ACLY: variants seen among roughly 807,000 people sequenced by gnomAD.
ACLY encodes the protein ATP-citrate synthase.
Under a neutral mutation model 133.0 loss-of-function variants are expected in ACLY, and 41 were observed. The observed-to-expected ratio is 0.31, with a 90% CI of 0.24 to 0.40. The LOEUF is 0.40. ACLY is among the 10% of genes least tolerant of loss of function. The probability of loss-of-function intolerance (pLI) is 1.00; values close to 1 mark genes in which losing one functional copy is unlikely to be tolerated. For missense variants in ACLY, 1,046 were observed against 1,453.8 expected, an observed-to-expected ratio of 0.72 and a Z score of 4.56; for synonymous variants, 495 against 549.3, an observed-to-expected ratio of 0.90 and a Z score of 1.38.
chr17:41,903,065 A>G (rs1018263348), intron 10 of ACLY, among the ~76,000 whole-genome samples: 1 of 152,192 alleles, frequency 6.6e-6, no homozygotes, highest in Non-Finnish European at 1.5e-5. Context: ...CTAGAATTAT[A>G]GTTATAAGCC....
chr17:41,869,791 CA>C (rs2048553952), intron 25 of ACLY, among the ~76,000 whole-genome samples: 1 of 152,138 alleles, frequency 6.6e-6, no homozygotes, highest in African/African-American at 2.4e-5. Context: ...AATTGGGACA[CA>C]AAACAACCTT....
chr17:41,878,048 CAT>C, intron 22 of ACLY, 53 bp downstream of exon 22: 2 of 1,310,126 alleles, frequency 1.5e-6, no homozygotes, highest in Non-Finnish European at 2.0e-6. Flanking sequence ...AACCCACCAC[CAT>C]AGACCCACAG....
At position 41,872,183 on chromosome 17, in the gene ACLY, C is replaced by A. The variant is rs782291878; in HGVS notation, c.2643-1G>T. 6.2e-7 allele frequency: 1 copy of A among 1,612,958 alleles called. No individual in the cohort carries two copies. Among genetic ancestry groups the A allele is most frequent in the South Asian group, 1.1e-5 (1 of 91,066 alleles). On this transcript the variant is annotated splice_acceptor_variant, in intron 23 of 28. Coordinates refer to ENST00000352035, the MANE Select transcript of ACLY (RefSeq NM_001096.3). LOFTEE classifies it high-confidence loss of function. The stretch of plus-strand genomic sequence containing the variant: ...GAACTGGCAAGAGTACTTAGGCAAC[C>A]TGGAGTGGGGGGAACAAAGGCCAGG...
chr17:41,898,669 T>C lies in ACLY; in HGVS notation c.1300A>G (p.Thr434Ala), dbSNP rs1555630891. ...IPNQPPTAAHTANFLLNASGS... is the reference protein window; with the variant it reads ...IPNQPPTAAHAANFLLNASGS... Reference sequence around the variant, plus strand: ...CTGGCGTTGAGGAGGAAGTTTGCAGTGTGGGCCGCTGTGGGTGGCTGGTTG... The same window carrying C: ...CTGGCGTTGAGGAGGAAGTTTGCAGCGTGGGCCGCTGTGGGTGGCTGGTTG... Residue 434 changes from threonine (T) to alanine (A), a missense_variant, in exon 12 of 29, where the codon ACT (threonine) becomes GCT (alanine). Coordinates refer to ENST00000352035, the MANE Select transcript of ACLY (RefSeq NM_001096.3). The C allele has an allele frequency of 6.2e-7, 1 of 1,613,836 alleles. No homozygotes were observed. The highest frequency in any genetic ancestry group is 8.5e-7 in the Non-Finnish European group (1 of 1,179,926).
intron 1 of ACLY, among the ~76,000 whole-genome samples, chr17:41,916,381 T>TTG (rs1464713078): frequency 4.6e-4 from 62 of 134,606 alleles, no homozygotes; most frequent in African/African-American, 1.6e-3. Context: ...TTGTTTTGTT[T>TTG]TTTTTTTTTT....
rs1286199288 is a variant in ACLY, at chr17:41,896,712, G to A, written c.1430-63C>T. The A allele has an allele frequency of 1.3e-5, 19 of 1,468,436 alleles. No homozygotes were observed. In the African/African-American group the frequency reaches 2.7e-4, roughly 21 times the overall value. The allele number at this position is 1,468,436 out of a possible 1,614,324, so 91.0% of individuals were successfully genotyped here. A position where few individuals can be genotyped will look rare whatever the true frequency, so the allele number is the denominator to read the frequency against. ...CTGATGGCTGGAGGCTTTGGAGGGA[G>A]AGGGTGGGAACAGGGAAGGGTCCCA... On this transcript the variant is annotated intron_variant, in intron 13 of 28. Coordinates refer to ENST00000352035, the MANE Select transcript of ACLY (RefSeq NM_001096.3).
chr17:41,910,085 C>G, intron 4 of ACLY, 137 bp downstream of exon 4: 1 of 851,984 alleles, frequency 1.2e-6, no homozygotes, highest in South Asian at 1.8e-5. Flanking sequence ...GCAGCACCCT[C>G]AGATCCTCAG....
intron 6 of ACLY, among the ~76,000 whole-genome samples, chr17:41,908,384 G>A (rs1555633036): frequency 6.6e-6 from 1 of 152,212 alleles, no homozygotes; most frequent in African/African-American, 2.4e-5. Flanking sequence ...AGGGCCAAAG[G>A]GTGAGAGCAG....
chr17:41,870,915 T>C (rs1234805612), intron 25 of ACLY, among the ~76,000 whole-genome samples: 1 of 152,212 alleles, frequency 6.6e-6, no homozygotes, highest in African/African-American at 2.4e-5. Flanking sequence ...ACGGCGGCTG[T>C]TCTTTCGGCA....
chr17:41,912,405 C>G lies in ACLY; in HGVS notation c.282+15G>C, dbSNP rs2144408520. 6.2e-7 allele frequency: 1 copy of G among 1,613,404 alleles called. No individual in the cohort carries two copies. Among genetic ancestry groups the G allele is most frequent in the East Asian group, 2.2e-5 (1 of 44,860 alleles). On this transcript the variant is annotated intron_variant, in intron 3 of 28. Coordinates refer to ENST00000352035, the MANE Select transcript of ACLY (RefSeq NM_001096.3). ...TGTTACCACACACGTTCATCCTGAC[C>G]CCATGCCCACTCACTGTGGCTTCCT... is the stretch of plus-strand genomic sequence containing the variant.
intron 1 of ACLY, among the ~76,000 whole-genome samples, chr17:41,924,986 T>C (rs1392668702): frequency 6.6e-6 from 1 of 152,052 alleles, no homozygotes; most frequent in Non-Finnish European, 1.5e-5. Context: ...CACTTACCCT[T>C]GACTTTTACA....
At chr17:41,929,992 CG>C (rs2050297608) in intron 1 of ACLY, among the ~76,000 whole-genome samples, 1 of 152,130 alleles carries the variant, frequency 6.6e-6, no homozygotes, top group East Asian at 1.9e-4. Context: ...CTTAGGGTAT[CG>C]TTGGAGCCCA....
At position 41,891,866 on chromosome 17, in the gene ACLY, C is replaced by G. The variant is rs531305302; in HGVS notation, c.1770+413G>C. On this transcript the variant is annotated intron_variant, in intron 16 of 28. Transcript: ENST00000352035. Reference sequence around the variant, plus strand: ...GTGTGAGTCACCATGCCTGGCTTGACTAATTTTTAAGCTTTTTGTAGAGAA... The same window carrying G: ...GTGTGAGTCACCATGCCTGGCTTGAGTAATTTTTAAGCTTTTTGTAGAGAA... Among the ~76,000 whole-genome samples, 209 of 152,106 alleles carry G rather than the reference C, an allele frequency of 1.4e-3. 1 individual carries two copies. Among genetic ancestry groups the G allele is most frequent in the Non-Finnish European group, 1.5e-3 (104 of 67,992 alleles).
At chr17:41,871,533 T>C (rs1555625027) in intron 25 of ACLY, among the ~76,000 whole-genome samples, 156 bp downstream of exon 25, 12 of 152,080 alleles carry the variant, frequency 7.9e-5, no homozygotes. Context: ...TTTTGTATTT[T>C]TAGTAGAGAC....
At chr17:41,899,588 C>T (rs9892975) in intron 11 of ACLY, among the ~76,000 whole-genome samples, 21 of 152,286 alleles carry the variant, frequency 1.4e-4, no homozygotes, top group African/African-American at 5.1e-4. Context: ...GATGGTCACT[C>T]TCCCATGCCA....
intron 14 of ACLY, 64 bp downstream of exon 14, chr17:41,896,556 C>T: frequency 2.1e-6 from 3 of 1,446,958 alleles, no homozygotes; most frequent in African/African-American, 1.4e-5. Context: ...ACAGAGCACA[C>T]AGTAAAACTG....
At chr17:41,882,237 T>C (rs2048933816) in intron 20 of ACLY, among the ~76,000 whole-genome samples, 2 of 151,540 alleles carry the variant, frequency 1.3e-5, no homozygotes, top group South Asian at 4.2e-4. Context: ...TGTGGTGGCA[T>C]GCGCCCATAA....
chr17:41,907,485 T>C lies in ACLY; in HGVS notation c.704A>G (p.Asp235Gly). The change falls in exon 7 of 29, where the codon GAC becomes GGC. Residue 235 changes from aspartate (D) to glycine (G), a missense_variant. Transcript: ENST00000352035. The stretch of plus-strand genomic sequence containing the variant: ...CCCGAAGGGGGGAGGGAACTCGATG[T>C]CACCCCACTTCACTTTGCAGATGTA... ...ADYICKVKWG[D>G]IEFPPPFGRE... The C allele has an allele frequency of 6.2e-7, 1 of 1,613,874 alleles. No individual in the cohort carries two copies. Among genetic ancestry groups the C allele is most frequent in the Admixed American group, 1.7e-5 (1 of 59,990 alleles).
intron 20 of ACLY, among the ~76,000 whole-genome samples, chr17:41,882,397 A>AAAAAAAAAAAAAAAT (rs2048942053): frequency 6.9e-6 from 1 of 144,458 alleles, no homozygotes; most frequent in Non-Finnish European, 1.5e-5. Context: ...AAAAAAAAAA[A>AAAAAAAAAAAAAAAT]GTTGTTTCCA....
Sources: gnomAD v4.1 joint callset for allele counts (sites outside exome capture counted in the v4.1 genomes callset) on GRCh38, gnomAD v4.1.1 for gene constraint, MANE v1.5 for transcripts, NCBI Gene and HGNC (gene_info 2026-07-23, HGNC 2026-07-21) for gene names.